The following GPR141 variants were observed in gnomAD, a reference collection of about 807,000 sequenced individuals.
GPR141 encodes the protein G protein-coupled receptor 141.
In GPR141, 6 loss-of-function variants were observed where a neutral mutation model predicts 6.8. That is an observed-to-expected ratio of 0.88 (90% CI 0.48 to 1.74). The LOEUF is 1.74. Ranked by LOEUF, GPR141 falls within the 40% of genes most tolerant of loss-of-function variation. The pLI, the probability that GPR141 is intolerant of heterozygous loss-of-function variation, is 0.01. For missense variants in GPR141, 372 were observed against 372.9 expected (o/e 1.00, Z 0.02); for synonymous variants, 140 against 142.3 (o/e 0.98, Z 0.11).
chr7:37,692,697 C>T (rs183137816), intron 2 of GPR141, among the ~76,000 whole-genome samples: 7 of 152,258 alleles, frequency 4.6e-5, no homozygotes, highest in Admixed American at 1.3e-4. Flanking sequence ...TTCTAACTGG[C>T]GTGGGATGGT....
intron 2 of GPR141, among the ~76,000 whole-genome samples, chr7:37,699,493 G>A (rs1446430131): frequency 1.3e-5 from 2 of 152,160 alleles, no homozygotes; most frequent in African/African-American, 2.4e-5. Context: ...CCCAAGAGGC[G>A]GAGCTTGCAG....
intron 1 of GPR141, among the ~76,000 whole-genome samples, chr7:37,684,206 C>T (rs953386153): frequency 4.6e-5 from 7 of 152,144 alleles, no homozygotes; most frequent in Admixed American, 3.3e-4. Context: ...GAGCAGTTGG[C>T]ACTATTGAAT....
intron 2 of GPR141, among the ~76,000 whole-genome samples, chr7:37,705,908 A>C (rs572728906): frequency 6.6e-6 from 1 of 152,282 alleles, no homozygotes; most frequent in African/African-American, 2.4e-5. Context: ...GAAGGGGTCT[A>C]ATGTAGGGAA....
At chr7:37,730,603 A>C (rs562205855) in intron 2 of GPR141, among the ~76,000 whole-genome samples, 1 of 152,164 alleles carries the variant, frequency 6.6e-6, no homozygotes, top group Non-Finnish European at 1.5e-5. Context: ...CATCAGTTGC[A>C]CTTGTTTTTG....
intron 2 of GPR141, among the ~76,000 whole-genome samples, chr7:37,717,360 C>T (rs1811096786): frequency 6.6e-6 from 1 of 152,132 alleles, no homozygotes; most frequent in South Asian, 2.1e-4. Context: ...TTGAAATCTC[C>T]CTTTCCCCCA....
At chr7:37,696,577 C>T (rs768796263) in intron 2 of GPR141, among the ~76,000 whole-genome samples, 1 of 151,688 alleles carries the variant, frequency 6.6e-6, no homozygotes, top group African/African-American at 2.4e-5. Context: ...GCACAAGGAC[C>T]ACTGATGTGC....
rs201764632 is a variant in GPR141, at chr7:37,712,523, G to A, written c.-15+26940G>A. Among the ~76,000 whole-genome samples, 13 of 152,216 alleles carry A rather than the reference G, an allele frequency of 8.5e-5. No individual in the cohort carries two copies. The East Asian group carries it at 2.5e-3, about 29-fold the overall frequency. On this transcript the variant is annotated intron_variant, in intron 2 of 2. Transcript: ENST00000334425. ...CTGATATTTACTCCTCACACTACCT[G>A]CCCCTCTGTTTCTCCAGGTAATACC...
intron 2 of GPR141, among the ~76,000 whole-genome samples, chr7:37,690,593 T>C (rs1177806124): frequency 6.6e-6 from 1 of 152,204 alleles, no homozygotes; most frequent in East Asian, 1.9e-4. Context: ...CAGTCTCCGA[T>C]ATTTTTTATA....
chr7:37,688,434 G>A (rs1227865460), intron 2 of GPR141, among the ~76,000 whole-genome samples: 1 of 151,108 alleles, frequency 6.6e-6, no homozygotes, highest in East Asian at 1.9e-4. Context: ...CTCCATTTGA[G>A]AAAATAAATA....
chr7:37,722,630 G>A (rs1811391464), intron 2 of GPR141, among the ~76,000 whole-genome samples: 2 of 149,866 alleles, frequency 1.3e-5, no homozygotes, highest in South Asian at 2.1e-4. Flanking sequence ...GTTGATGCAG[G>A]AAAATTGCTT....
At chr7:37,720,757 G>T (rs1431641932) in intron 2 of GPR141, among the ~76,000 whole-genome samples, 1 of 148,108 alleles carries the variant, frequency 6.8e-6, no homozygotes, top group Non-Finnish European at 1.5e-5. Context: ...AAAAAAAAAA[G>T]AGAAATTAAG....
At chr7:37,685,729 A>G (rs1355981326) in intron 2 of GPR141, 146 bp downstream of exon 2, 1 of 146,756 alleles carries the variant, frequency 6.8e-6, no homozygotes, top group Non-Finnish European at 1.5e-5. Context: ...GATAACAAAC[A>G]TGAGCCACTG....
rs977936591 is a variant in GPR141 at position 37,741,947 on chromosome 7, G to A, written c.*636G>A. On this transcript the variant is annotated 3_prime_UTR_variant, in exon 3 of 3. Transcript: ENST00000334425. ...TTCTAGATTTGTCCTGTGAAAGGTC[G>A]TTTAAGGACTTGGGGATCAACTTCC... 1.3e-5 allele frequency among the ~76,000 whole-genome samples: 2 copies of A among 152,264 alleles called. No homozygotes were observed. Among genetic ancestry groups the A allele is most frequent in the East Asian group, 3.9e-4 (2 of 5,182 alleles).
chr7:37,703,952 T>A (rs1810408733), intron 2 of GPR141, among the ~76,000 whole-genome samples: 1 of 152,198 alleles, frequency 6.6e-6, no homozygotes, highest in Non-Finnish European at 1.5e-5. Context: ...AAAAAATCAC[T>A]TACTTTTAAT....
At position 37,717,897 on chromosome 7, in the gene GPR141, T is replaced by A. The variant is rs1178108394; in HGVS notation, c.-14-22483T>A. 5.3e-5 allele frequency among the ~76,000 whole-genome samples: 8 copies of A among 152,376 alleles called. No homozygotes were observed. In the East Asian group the frequency reaches 1.5e-3, roughly 29 times the overall value. The stretch of plus-strand genomic sequence containing the variant: ...TGATTGTTTACATTGCTCATGAGTA[T>A]AATTGTTAAATATAATTGTGTGATA... On this transcript the variant is annotated intron_variant, in intron 2 of 2. Transcript: ENST00000334425.
intron 2 of GPR141, among the ~76,000 whole-genome samples, chr7:37,732,142 C>G (rs1440700498): frequency 7.6e-6 from 1 of 131,432 alleles, no homozygotes; most frequent in Non-Finnish European, 1.6e-5. Flanking sequence ...CTTTCTCTCT[C>G]TCTTTTTTTT....
At chr7:37,734,612 G>A (rs1396339896) in intron 2 of GPR141, among the ~76,000 whole-genome samples, 3 of 152,198 alleles carry the variant, frequency 2.0e-5, no homozygotes, top group Non-Finnish European at 4.4e-5. Context: ...CCTTGTAGAG[G>A]TGATTCTTTT....
chr7:37,703,147 C>T (rs1314565274), intron 2 of GPR141, among the ~76,000 whole-genome samples: 1 of 152,096 alleles, frequency 6.6e-6, no homozygotes, highest in African/African-American at 2.4e-5. Context: ...ACTGTGTACA[C>T]ATTGTAGGTT....
At position 37,741,698 on chromosome 7, in the gene GPR141, C is replaced by T. The variant is rs1217467494; in HGVS notation, c.*387C>T. Reference sequence around the variant, plus strand: ...CTCAGACCTTTAGTTCTTTTCATCCCACTTCACCTTAGGTAAGTAAATTCT... The same window carrying T: ...CTCAGACCTTTAGTTCTTTTCATCCTACTTCACCTTAGGTAAGTAAATTCT... On this transcript the variant is annotated 3_prime_UTR_variant, in exon 3 of 3. Transcript: ENST00000334425. Among the ~76,000 whole-genome samples the T allele has an allele frequency of 9.9e-5, 15 of 152,176 alleles. No individual in the cohort carries two copies. Among genetic ancestry groups the T allele is most frequent in the Admixed American group, 9.8e-4 (15 of 15,276 alleles).
Sources: allele counts gnomAD v4.1 joint callset (sites outside exome capture counted in the v4.1 genomes callset), GRCh38; gene constraint gnomAD v4.1.1; transcripts MANE v1.5; gene names NCBI Gene and HGNC (gene_info 2026-07-23, HGNC 2026-07-21).